Variants in ARFGAP2 observed in about 807,000 individuals in gnomAD.
ARFGAP2 encodes the protein ARF GTPase activating protein 2.
ARFGAP2 carries 45 observed loss-of-function variants against 71.9 expected under a neutral mutation model. The observed-to-expected ratio is 0.63, with a 90% CI of 0.49 to 0.80. The LOEUF (loss-of-function observed/expected upper bound fraction) is 0.80, where lower values mean the gene tolerates loss of function less well. Among genes scored for constraint, ARFGAP2 ranks in the 30% least tolerant of loss-of-function variants. The probability of loss-of-function intolerance (pLI) is 0.00; values close to 1 mark genes in which losing one functional copy is unlikely to be tolerated. For synonymous variants in ARFGAP2, 248 were observed against 249.2 expected (o/e 1.00, Z 0.05); for missense variants, 633 against 673.9 (o/e 0.94, Z 0.67).
chr11:47,173,459 C>T lies in ARFGAP2; in HGVS notation c.586G>A (p.Asp196Asn). Reference sequence around the variant, plus strand: ...GCTTTGGGTGAGGTGCCAAGCAGGTCTGTGTTGGGGCCATGCTCCGGCTCT... The same window carrying T: ...GCTTTGGGTGAGGTGCCAAGCAGGTTTGTGTTGGGGCCATGCTCCGGCTCT... The part of the protein sequence containing the change: ...LAQPEHGPNT[D>N]LLGTSPKASL... The change falls in exon 7 of 16, where the codon GAC (aspartate) becomes AAC (asparagine). Residue 196 changes from aspartate to asparagine, a missense_variant. Transcript: ENST00000524782. 3 of 1,559,146 alleles carry T rather than the reference C, an allele frequency of 1.9e-6. No homozygotes were observed. The highest frequency in any genetic ancestry group is 1.2e-5 in the South Asian group (1 of 84,566).
In ARFGAP2 at chr11:47,171,799, A is replaced by G. The variant is rs575856978; in HGVS notation, c.674T>C (p.Leu225Pro). The change falls in exon 9 of 16, where the codon CTG becomes CCG. Residue 225 changes from leucine to proline, a missense_variant and splice_region_variant. Transcript: ENST00000524782. ...KKKPAAAKKG[L>P]GAKKGLGAQK... The stretch of plus-strand genomic sequence containing the variant: ...GGCCCCTAGGCCTTTCTTGGCACCC[A>G]GCTGGGAACAGAATCATGTAAGGGG... 9.6e-4 allele frequency: 1,555 copies of G among 1,613,536 alleles called. 23 individuals are homozygous for G. In the South Asian group the frequency reaches 0.016, roughly 17 times the overall value.
At chr11:47,168,363 C>T (rs1462207672) in intron 10 of ARFGAP2, 112 bp from the exon 11 acceptor site, 1 of 1,451,904 alleles carries the variant, frequency 6.9e-7, no homozygotes, top group East Asian at 2.4e-5. Context: ...CACCCAGAGC[C>T]TTCTGTCCTT....
At position 47,164,998 on chromosome 11, in the gene ARFGAP2, C is replaced by G. The variant is rs554862906; in HGVS notation, c.*484G>C. On this transcript the variant is annotated 3_prime_UTR_variant, in exon 16 of 16. Coordinates refer to ENST00000524782, the MANE Select transcript of ARFGAP2 (RefSeq NM_032389.6). Reference sequence around the variant, plus strand: ...AGCAGCAGCAGCAGCAAGTCCGCAGCCTCTTTCCCCATGGGACGGGTCTAC... The same window carrying G: ...AGCAGCAGCAGCAGCAAGTCCGCAGGCTCTTTCCCCATGGGACGGGTCTAC... 6.4e-6 allele frequency: 1 copy of G among 156,796 alleles called. No homozygotes were observed. The highest frequency in any genetic ancestry group is 1.9e-4 in the East Asian group (1 of 5,338). 9.7% of individuals were successfully genotyped at this position (156,796 alleles called of 1,614,324 possible). A position where few individuals can be genotyped will look rare whatever the true frequency, so the allele number is the denominator to read the frequency against.
intron 10 of ARFGAP2, among the ~76,000 whole-genome samples, chr11:47,170,323 C>CAAAAAAAAAAAAAAAAAA (rs34843394): frequency 1.4e-5 from 1 of 73,952 alleles, no homozygotes; most frequent in Non-Finnish European, 2.6e-5. Context: ...GACTCCATCT[C>CAAAAAAAAAAAAAAAAAA]AAAAAAAAAA....
In ARFGAP2 at chr11:47,171,425, C is replaced by A; in HGVS notation, c.941+1G>T. The A allele has an allele frequency of 6.2e-7, 1 of 1,614,152 alleles. No homozygotes were observed. On this transcript the variant is annotated splice_donor_variant, in intron 10 of 15. Transcript: ENST00000524782. LOFTEE classifies it high-confidence loss of function. The stretch of plus-strand genomic sequence containing the variant: ...CTGCCACACCCGGAGCTGAGCCTCA[C>A]CTTCGGGATACCAAGCCCATGCCCA...
intron 9 of ARFGAP2, 38 bp from the exon 10 acceptor site, chr11:47,171,595 C>T (rs201795099): frequency 2.7e-4 from 443 of 1,614,076 alleles, no homozygotes; most frequent in South Asian, 1.5e-3. Flanking sequence ...CACCACCCAT[C>T]CTGACCTGTC....
At chr11:47,175,478 CA>C in intron 3 of ARFGAP2, 165 bp from the exon 4 acceptor site, 1 of 1,091,924 alleles carries the variant, frequency 9.2e-7, no homozygotes, top group Non-Finnish European at 1.3e-6. Flanking sequence ...GAAATTCCTG[CA>C]AAAAACACCT....
Position 47,164,475 on chromosome 11 carries a change from A to AGACT in ARFGAP2, c.*1003_*1006dup. 4.9e-6 allele frequency: 2 copies of AGACT among 411,776 alleles called. No individual in the cohort carries two copies. The highest frequency in any genetic ancestry group is 7.7e-5 in the South Asian group (2 of 26,048). 25.5% of individuals were successfully genotyped at this position (411,776 alleles called of 1,614,324 possible). On this transcript the variant is annotated 3_prime_UTR_variant, in exon 16 of 16. Transcript: ENST00000524782. ...CAACCCAAAGGTGGGGGCTGGGCTG[A>AGACT]GACTGCCGGTGCGGCAGGGGAAGAT...
chr11:47,176,103 C>T, intron 2 of ARFGAP2, 180 bp from the exon 3 acceptor site: 2 of 636,780 alleles, frequency 3.1e-6, no homozygotes, highest in Non-Finnish European at 5.5e-6. Flanking sequence ...TCATTTACTC[C>T]AAAGAGTACT....
chr11:47,175,154 T>C (rs1447836662), intron 4 of ARFGAP2, 28 bp downstream of exon 4: 1 of 1,614,008 alleles, frequency 6.2e-7, no homozygotes, highest in Admixed American at 1.7e-5. Flanking sequence ...CTAACCCTCC[T>C]GCCCCAGCCC....
At chr11:47,170,931 G>A (rs962874244) in intron 10 of ARFGAP2, among the ~76,000 whole-genome samples, 2 of 152,124 alleles carry the variant, frequency 1.3e-5, no homozygotes, top group Non-Finnish European at 2.9e-5. Flanking sequence ...AGGCAACAGA[G>A]CAAGAATCTG....
chr11:47,168,526 T>C (rs557875612), intron 10 of ARFGAP2: 1 of 288,796 alleles, frequency 3.5e-6, no homozygotes, highest in Non-Finnish European at 6.6e-6. Context: ...AATTTAATTT[T>C]ATTTATTTAT....
At chr11:47,166,229 C>T (rs777589124) in intron 15 of ARFGAP2, 39 bp downstream of exon 15, 1 of 1,603,060 alleles carries the variant, frequency 6.2e-7, no homozygotes, top group South Asian at 1.1e-5. Context: ...GAAGGGCAAA[C>T]CTCCCAGCAC....
At chr11:47,166,700 G>A (rs1299729163) in intron 13 of ARFGAP2, 60 bp downstream of exon 13, 3 of 1,600,594 alleles carry the variant, frequency 1.9e-6, no homozygotes, top group East Asian at 4.5e-5. Context: ...AGCAGCGGCA[G>A]GGAGAAAGCT....
rs148209728 is a variant in ARFGAP2, at chr11:47,174,019, G to A, written c.481-179C>T. 7.0e-4 allele frequency: 865 copies of A among 1,231,072 alleles called. 14 individuals carry two copies. The East Asian group carries it at 0.022, about 31-fold the overall frequency. The allele number at this position is 1,231,072 out of a possible 1,614,324, so 76.3% of individuals were successfully genotyped here. A position where few individuals can be genotyped will look rare whatever the true frequency, so the allele number is the denominator to read the frequency against. On this transcript the variant is annotated intron_variant, in intron 5 of 15. Transcript: ENST00000524782. ...ACTGTGGAAGAAAGCAGGAAGACAAGCAGCCCCCACCCCAACCCCTTCACT... is the reference window on the plus strand; with the variant it reads ...ACTGTGGAAGAAAGCAGGAAGACAAACAGCCCCCACCCCAACCCCTTCACT...
chr11:47,165,722 A>T (rs1438031235), intron 15 of ARFGAP2, among the ~76,000 whole-genome samples: 2 of 152,210 alleles, frequency 1.3e-5, no homozygotes, highest in African/African-American at 4.8e-5. Flanking sequence ...GAAGCTGGGA[A>T]GAGAAGAGAA....
rs1486882146 is a variant in ARFGAP2, at chr11:47,166,900, G to A, written c.1206-14C>T. The A allele has an allele frequency of 1.2e-6, 2 of 1,611,394 alleles. No individual in the cohort carries two copies. The highest frequency in any genetic ancestry group is 2.7e-5 in the African/African-American group (2 of 74,928). ...CGGTTTGTGGCTCTGAGGGGAAGAT[G>A]TGGAATATCTCGGACTCCTCCCATT... is the stretch of plus-strand genomic sequence containing the variant. On this transcript the variant is annotated splice_polypyrimidine_tract_variant and intron_variant, in intron 12 of 15. Coordinates refer to ENST00000524782, the MANE Select transcript of ARFGAP2 (RefSeq NM_032389.6).
rs955683079 is a variant in ARFGAP2 at position 47,164,513 on chromosome 11, G to C, written c.*969C>G. The C allele has an allele frequency of 3.3e-6, 1 of 300,196 alleles. No homozygotes were observed. Among genetic ancestry groups the C allele is most frequent in the African/African-American group, 2.2e-5 (1 of 45,580 alleles). 18.6% of individuals were successfully genotyped at this position (300,196 alleles called of 1,614,324 possible). A position where few individuals can be genotyped will look rare whatever the true frequency, so the allele number is the denominator to read the frequency against. On this transcript the variant is annotated 3_prime_UTR_variant, in exon 16 of 16. Transcript: ENST00000524782. ...GGCAGGGGAAGATGGCACCAAGAAT[G>C]ACAGTGCTTGGCTCAGCTGCCAGAG...
Position 47,171,517 on chromosome 11 carries a change from C to A in ARFGAP2, c.850G>T (p.Asp284Tyr). Residue 284 changes from aspartate to tyrosine, a missense_variant, in exon 10 of 16, where the codon GAT (aspartate) becomes TAT (tyrosine). Coordinates refer to ENST00000524782, the MANE Select transcript of ARFGAP2 (RefSeq NM_032389.6). Reference protein sequence around the residue: ...MRLAYQELQIDRKKEEKKLQN... With the variant: ...MRLAYQELQIYRKKEEKKLQN... ...AGCTTCTTTTCCTCTTTCTTACGAT[C>A]AATCTGGAGCTCCTGGTAGGCCAGA... 1 of 1,614,206 alleles carries A rather than the reference C, an allele frequency of 6.2e-7. No homozygotes were observed. Among genetic ancestry groups the A allele is most frequent in the Non-Finnish European group, 8.5e-7 (1 of 1,180,042 alleles).
Sources: gnomAD v4.1 joint callset for allele counts (sites outside exome capture counted in the v4.1 genomes callset) on GRCh38, gnomAD v4.1.1 for gene constraint, MANE v1.5 for transcripts, NCBI Gene and HGNC (gene_info 2026-07-23, HGNC 2026-07-21) for gene names.